Variants in EPC2 observed in about 807,000 individuals in gnomAD.
EPC2 encodes enhancer of polycomb 2.
Under a neutral mutation model 92.1 loss-of-function variants are expected in EPC2, and 14 were observed. The ratio of observed to expected loss-of-function variants is 0.15; its 90% CI spans 0.10 to 0.24. The LOEUF is 0.24. Among genes scored for constraint, EPC2 ranks in the 10% least tolerant of loss-of-function variants. The pLI is 1.00. For missense variants in EPC2, 755 were observed against 971.5 expected, an observed-to-expected ratio of 0.78 and a Z score of 2.96; for synonymous variants, 340 against 334.7, an observed-to-expected ratio of 1.02 and a Z score of -0.17.
At chr2:148,671,286 GAT>G (rs1491315870) in intron 1 of EPC2, among the ~76,000 whole-genome samples, 1 of 130,648 alleles carries the variant, frequency 7.7e-6, no homozygotes, top group Non-Finnish European at 1.6e-5. Flanking sequence ...TGTGGATTGT[GAT>G]TTTTTTTTTT....
intron 1 of EPC2, among the ~76,000 whole-genome samples, chr2:148,655,440 T>G (rs1223018091): frequency 6.6e-6 from 1 of 152,214 alleles, no homozygotes; most frequent in African/African-American, 2.4e-5. Flanking sequence ...ATATGTGTAC[T>G]TTATTAGCAC....
chr2:148,734,401 G>C (rs1432649994), intron 2 of EPC2, among the ~76,000 whole-genome samples: 1 of 151,874 alleles, frequency 6.6e-6, no homozygotes, highest in African/African-American at 2.4e-5. Flanking sequence ...ATGATTTCCA[G>C]TTATTCATAG....
intron 1 of EPC2, among the ~76,000 whole-genome samples, chr2:148,658,603 G>GTA (rs1298472101): frequency 0.022 from 396 of 18,138 alleles, 1 homozygote; most frequent in Admixed American, 0.037. Flanking sequence ...CTGTGTGTGT[G>GTA]TGTGTATATA....
At chr2:148,763,584 TTC>T (rs1239071074) in intron 6 of EPC2, among the ~76,000 whole-genome samples, 1 of 152,130 alleles carries the variant, frequency 6.6e-6, no homozygotes, top group Non-Finnish European at 1.5e-5. Context: ...ATGTACACAG[TTC>T]TCATTTTTCA....
chr2:148,715,974 T>G (rs1682254322), intron 2 of EPC2, among the ~76,000 whole-genome samples: 1 of 152,216 alleles, frequency 6.6e-6, no homozygotes, highest in African/African-American at 2.4e-5. Flanking sequence ...TATTTTATTA[T>G]TTTTGTGGCA....
chr2:148,678,846 G>A lies in EPC2; in HGVS notation c.154-11368G>A, dbSNP rs1340649404. ...CAGAAAGGGGCTCCCACAGTGCAGC[G>A]GTGGGCTGAAGGGCTCCTCAAGTGC... On this transcript the variant is annotated intron_variant, in intron 1 of 13. Transcript: ENST00000258484. Among the ~76,000 whole-genome samples, 8 of 152,344 alleles carry A rather than the reference G, an allele frequency of 5.3e-5. No individual in the cohort carries two copies. In the East Asian group the frequency reaches 1.2e-3, roughly 22 times the overall value.
chr2:148,710,379 G>T (rs1401393751), intron 2 of EPC2, among the ~76,000 whole-genome samples: 1 of 152,194 alleles, frequency 6.6e-6, no homozygotes, highest in Non-Finnish European at 1.5e-5. Flanking sequence ...GGAGAAATAG[G>T]AACACTTTTA....
At chr2:148,783,485 T>TG in intron 11 of EPC2, 112 bp from the exon 12 acceptor site, 1 of 991,944 alleles carries the variant, frequency 1.0e-6, no homozygotes, top group Non-Finnish European at 1.5e-6. Context: ...TCTAAACACT[T>TG]GTAATTGTTC....
At chr2:148,662,048 CA>C in intron 1 of EPC2, among the ~76,000 whole-genome samples, 1 of 151,992 alleles carries the variant, frequency 6.6e-6, no homozygotes. Flanking sequence ...TTTATGCAGC[CA>C]AAAAACACAT....
chr2:148,726,721 T>A lies in EPC2; in HGVS notation c.314-16901T>A, dbSNP rs541744148. Among the ~76,000 whole-genome samples, 4 of 151,072 alleles carry A rather than the reference T, an allele frequency of 2.6e-5. No homozygotes were observed. In the East Asian group the frequency reaches 7.7e-4, roughly 29 times the overall value. ...TTAGATCCTTTGCCCATTTAAAAAA[T>A]CTTTAAATTTTTGCTTTTGGGTTTT... On this transcript the variant is annotated intron_variant, in intron 2 of 13. Transcript: ENST00000258484.
At chr2:148,776,856 C>CTCTCTTTTTTTTTTTTTTTTTTTTTTTT (rs1247135854) in intron 10 of EPC2, among the ~76,000 whole-genome samples, 1 of 101,042 alleles carries the variant, frequency 9.9e-6, no homozygotes, top group African/African-American at 3.7e-5. Flanking sequence ...GTCTCTCTCT[C>CTCTCTTTTTTTTTTTTTTTTTTTTTTTT]TTTTTTTTTT....
chr2:148,752,382 CTGT>C (rs1244688555), intron 3 of EPC2, among the ~76,000 whole-genome samples: 3 of 152,238 alleles, frequency 2.0e-5, no homozygotes, highest in East Asian at 1.9e-4. Flanking sequence ...TATTCTACCA[CTGT>C]TGTTGTAGAC....
intron 1 of EPC2, among the ~76,000 whole-genome samples, chr2:148,674,216 GTTTC>G (rs1681210935): frequency 6.6e-6 from 1 of 152,146 alleles, no homozygotes; most frequent in East Asian, 1.9e-4. Flanking sequence ...AGGTTTGCTA[GTTTC>G]TTTCTCAGGT....
chr2:148,755,463 A>T (rs1235969579), intron 4 of EPC2, among the ~76,000 whole-genome samples: 1 of 152,152 alleles, frequency 6.6e-6, no homozygotes, highest in Admixed American at 6.5e-5. Context: ...TCAACCCTTA[A>T]ATATGTCATA....
chr2:148,708,927 A>G (rs1682070799), intron 2 of EPC2, among the ~76,000 whole-genome samples: 1 of 152,164 alleles, frequency 6.6e-6, no homozygotes, highest in Non-Finnish European at 1.5e-5. Context: ...CCCTTTAAAA[A>G]CTGGCACAAG....
intron 2 of EPC2, among the ~76,000 whole-genome samples, chr2:148,714,569 C>T (rs2105386491): frequency 6.6e-6 from 1 of 152,266 alleles, no homozygotes; most frequent in South Asian, 2.1e-4. Context: ...ACCTTGCCAG[C>T]ATCTGTTGTT....
intron 3 of EPC2, among the ~76,000 whole-genome samples, chr2:148,752,333 A>G (rs181383999): frequency 1.1e-4 from 17 of 152,208 alleles, no homozygotes; most frequent in Non-Finnish European, 1.9e-4. Flanking sequence ...TGCTGTCAGT[A>G]CAAGGTAGAA....
At chr2:148,733,186 T>C (rs12052546) in intron 2 of EPC2, among the ~76,000 whole-genome samples, 1,695 of 152,036 alleles carry the variant, frequency 0.011, 42 homozygotes, top group East Asian at 0.083. Flanking sequence ...TCTCTGTATA[T>C]GGATGATGAA....
chr2:148,786,458 G>A lies in EPC2; in HGVS notation c.*81G>A. On this transcript the variant is annotated 3_prime_UTR_variant, in exon 14 of 14. Transcript: ENST00000258484. Reference sequence around the variant, plus strand: ...CTGAATGCAAAAGGCAACACTCTGTGGATCACAGAGTGTAACAATGGACCT... The same window carrying A: ...CTGAATGCAAAAGGCAACACTCTGTAGATCACAGAGTGTAACAATGGACCT... 9.1e-7 allele frequency: 1 copy of A among 1,095,704 alleles called. No individual in the cohort carries two copies. The highest frequency in any genetic ancestry group is 2.6e-5 in the East Asian group (1 of 39,164). 67.9% of individuals were successfully genotyped at this position (1,095,704 alleles called of 1,614,324 possible). A position where few individuals can be genotyped will look rare whatever the true frequency, so the allele number is the denominator to read the frequency against.
Sources: gnomAD v4.1 joint callset for allele counts (sites outside exome capture counted in the v4.1 genomes callset) on GRCh38, gnomAD v4.1.1 for gene constraint, MANE v1.5 for transcripts, NCBI Gene and HGNC (gene_info 2026-07-23, HGNC 2026-07-21) for gene names.